MAGI1: variants seen among roughly 807,000 people sequenced by gnomAD.
MAGI1 encodes the protein membrane associated guanylate kinase, WW and PDZ domain containing 1, also known as membrane-associated guanylate kinase, WW and PDZ domain-containing protein 1.
In MAGI1, 58 loss-of-function variants were observed where a neutral mutation model predicts 139.9. The observed-to-expected ratio is 0.41, with a 90% CI of 0.34 to 0.52. MAGI1 has a LOEUF of 0.52. Ranked by LOEUF, MAGI1 falls within the 20% of genes least tolerant of loss-of-function variation. MAGI1 has a pLI of 0.12. For missense variants in MAGI1, 1,874 were observed against 1,901.6 expected (o/e 0.99, Z 0.27); for synonymous variants, 812 against 737.9 (o/e 1.10, Z -1.63).
At chr3:65,748,503 T>G (rs889746106) in intron 1 of MAGI1, among the ~76,000 whole-genome samples, 1 of 152,204 alleles carries the variant, frequency 6.6e-6, no homozygotes, top group Non-Finnish European at 1.5e-5. Flanking sequence ...AGGAAAGTTA[T>G]GTATCTATTC....
chr3:65,744,139 G>A (rs958341611), intron 1 of MAGI1, among the ~76,000 whole-genome samples: 3 of 152,186 alleles, frequency 2.0e-5, no homozygotes, highest in Admixed American at 6.5e-5. Flanking sequence ...GAAAAACAGT[G>A]AAAGCTAACT....
intron 2 of MAGI1, among the ~76,000 whole-genome samples, chr3:65,509,352 G>C (rs1259364353): frequency 1.3e-5 from 2 of 152,186 alleles, no homozygotes; most frequent in Non-Finnish European, 2.9e-5. Flanking sequence ...CAGCGTGAGC[G>C]ACGCAGAAGA....
rs115502961 is a variant in MAGI1, at chr3:65,643,985, C to T, written c.314-21897G>A. 3.8e-3 allele frequency among the ~76,000 whole-genome samples: 583 copies of T among 152,228 alleles called. 6 individuals carry two copies. The highest frequency in any genetic ancestry group is 0.014 in the African/African-American group (561 of 41,546). On this transcript the variant is annotated intron_variant, in intron 1 of 22. Transcript: ENST00000402939. ...CTCCCCACATCCCCTCTTCCTTATC[C>T]GCTCTTCATCATCTTTGGAGACCCC... is the stretch of plus-strand genomic sequence containing the variant.
intron 2 of MAGI1, among the ~76,000 whole-genome samples, chr3:65,585,304 A>T (rs2081621714): frequency 6.6e-6 from 1 of 152,234 alleles, no homozygotes; most frequent in Non-Finnish European, 1.5e-5. Flanking sequence ...CAGCTTGTGC[A>T]ATGCATTAAA....
intron 1 of MAGI1, among the ~76,000 whole-genome samples, chr3:65,679,332 A>G (rs1175082335): frequency 6.6e-6 from 1 of 152,222 alleles, no homozygotes; most frequent in Non-Finnish European, 1.5e-5. Context: ...GATAAGAGCT[A>G]TAGCTGACAT....
At chr3:66,023,398 T>A (rs531765662) in intron 1 of MAGI1, among the ~76,000 whole-genome samples, 58 of 152,320 alleles carry the variant, frequency 3.8e-4, no homozygotes, top group Admixed American at 9.8e-4. Flanking sequence ...AAAACTGCAC[T>A]GACTAAATTT....
At chr3:65,726,537 T>G in intron 1 of MAGI1, among the ~76,000 whole-genome samples, 1 of 152,312 alleles carries the variant, frequency 6.6e-6, no homozygotes, top group East Asian at 1.9e-4. Flanking sequence ...TTCTGCAGCA[T>G]TCACGAAGCC....
chr3:65,948,248 A>G (rs1454264254), intron 1 of MAGI1, among the ~76,000 whole-genome samples: 1 of 152,134 alleles, frequency 6.6e-6, no homozygotes, highest in Admixed American at 6.5e-5. Context: ...CCAGCCTGGC[A>G]GTATCTTTTT....
At chr3:65,688,525 C>G (rs551158424) in intron 1 of MAGI1, 48 of 428,416 alleles carry the variant, frequency 1.1e-4, no homozygotes, top group Middle Eastern at 8.2e-4. Flanking sequence ...AAGGTAGGTG[C>G]TACTGGTAGG....
intron 20 of MAGI1, 68 bp downstream of exon 20, chr3:65,364,585 AAAAATATCCCAT>A (rs1252899786): frequency 7.9e-7 from 1 of 1,267,382 alleles, no homozygotes; most frequent in Non-Finnish European, 1.1e-6. Context: ...AGGTGCTTCA[AAAAATATCCCAT>A]AAAAGTAGCT....
At chr3:65,568,567 C>G (rs2080790387) in intron 2 of MAGI1, among the ~76,000 whole-genome samples, 1 of 152,118 alleles carries the variant, frequency 6.6e-6, no homozygotes, top group African/African-American at 2.4e-5. Flanking sequence ...TAGCAGTGTA[C>G]TGGATAATAG....
intron 1 of MAGI1, among the ~76,000 whole-genome samples, chr3:65,734,340 G>C (rs1321445673): frequency 1.3e-5 from 2 of 151,808 alleles, no homozygotes; most frequent in Admixed American, 6.6e-5. Flanking sequence ...CTTGCCTGTA[G>C]CCCTAGCTAC....
intron 1 of MAGI1, among the ~76,000 whole-genome samples, chr3:66,032,217 T>A (rs78150657): frequency 0.055 from 6,057 of 109,680 alleles, 166 homozygotes; most frequent in South Asian, 0.085. Context: ...TATTATTTGC[T>A]GGGTCTTTTT....
chr3:65,501,087 T>C (rs956397398), intron 2 of MAGI1, among the ~76,000 whole-genome samples: 3 of 152,178 alleles, frequency 2.0e-5, no homozygotes, highest in Non-Finnish European at 2.9e-5. Context: ...CAATCAGCAC[T>C]ACAATTTACT....
intron 2 of MAGI1, among the ~76,000 whole-genome samples, chr3:65,588,271 T>C (rs1250265628): frequency 6.6e-6 from 1 of 152,228 alleles, no homozygotes; most frequent in Non-Finnish European, 1.5e-5. Flanking sequence ...GATAGCAGCA[T>C]GTTATATGAG....
intron 1 of MAGI1, among the ~76,000 whole-genome samples, chr3:65,908,930 T>G (rs1484911051): frequency 6.6e-6 from 1 of 152,206 alleles, no homozygotes; most frequent in Non-Finnish European, 1.5e-5. Context: ...CTGACATGAG[T>G]CAATTTTTTA....
At chr3:65,367,058 G>A (rs977801961) in intron 18 of MAGI1, among the ~76,000 whole-genome samples, 6 of 152,126 alleles carry the variant, frequency 3.9e-5, no homozygotes, top group Non-Finnish European at 8.8e-5. Context: ...TCATAAACAC[G>A]TGTATTGGTC....
intron 1 of MAGI1, among the ~76,000 whole-genome samples, chr3:65,990,926 G>T (rs1238497865): frequency 1.3e-5 from 2 of 152,090 alleles, no homozygotes; most frequent in Non-Finnish European, 2.9e-5. Flanking sequence ...GTTTGAGCCT[G>T]CAGTGACCTA....
intron 2 of MAGI1, among the ~76,000 whole-genome samples, chr3:65,530,809 ACATATATATACACG>A (rs1470205817): frequency 2.7e-5 from 2 of 74,824 alleles, no homozygotes; most frequent in African/African-American, 1.3e-4. Flanking sequence ...ATATATACAC[ACATATATATACACG>A]TATATATATA....
Sources: gnomAD v4.1 joint callset for allele counts (sites outside exome capture counted in the v4.1 genomes callset) on GRCh38, gnomAD v4.1.1 for gene constraint, MANE v1.5 for transcripts, NCBI Gene and HGNC (gene_info 2026-07-23, HGNC 2026-07-21) for gene names.